ADCY10: variants seen among roughly 807,000 people sequenced by gnomAD.
ADCY10 encodes adenylate cyclase type 10.
In ADCY10, 156 loss-of-function variants were observed where a neutral mutation model predicts 183.3. The ratio of observed to expected loss-of-function variants is 0.85; its 90% CI spans 0.75 to 0.97. The LOEUF is 0.97. ADCY10 is among the 50% of genes least tolerant of loss of function. The pLI is 0.00. For synonymous variants in ADCY10, 645 were observed against 670.0 expected (o/e 0.96, Z 0.58); for missense variants, 1,745 against 1,934.3 (o/e 0.90, Z 1.84).
At chr1:167,883,068 C>T (rs950548781) in intron 9 of ADCY10, among the ~76,000 whole-genome samples, 24 of 152,240 alleles carry the variant, frequency 1.6e-4, no homozygotes, top group Non-Finnish European at 1.5e-5. Context: ...GACGGAGTCT[C>T]ACGCTATAGC....
At chr1:167,860,307 T>G (rs1301981180) in intron 15 of ADCY10, among the ~76,000 whole-genome samples, 1 of 152,152 alleles carries the variant, frequency 6.6e-6, no homozygotes, top group Non-Finnish European at 1.5e-5. Context: ...GCATGCAACC[T>G]AGGTCCCTTG....
chr1:167,833,217 A>C, intron 24 of ADCY10, 55 bp from the exon 25 acceptor site: 1 of 1,504,816 alleles, frequency 6.6e-7, no homozygotes, highest in Non-Finnish European at 9.2e-7. Flanking sequence ...ATTCTAACTT[A>C]ATTAGTAGGT....
At chr1:167,890,153 A>G (rs1195340013) in intron 8 of ADCY10, among the ~76,000 whole-genome samples, 2 of 152,128 alleles carry the variant, frequency 1.3e-5, no homozygotes, top group African/African-American at 2.4e-5. Context: ...AGAGTTAGGT[A>G]TTTATTGTAG....
chr1:167,859,112 T>C (rs1467054725), intron 16 of ADCY10, among the ~76,000 whole-genome samples: 2 of 152,058 alleles, frequency 1.3e-5, no homozygotes, highest in Non-Finnish European at 1.5e-5. Context: ...GGCACTATAG[T>C]AAAAAAATGA....
chr1:167,901,939 T>A (rs1669457255), intron 4 of ADCY10, 77 bp downstream of exon 4: 2 of 1,606,398 alleles, frequency 1.2e-6, no homozygotes, highest in South Asian at 1.1e-5. Context: ...CTAGGATGCC[T>A]CCTTTGTCCC....
intron 9 of ADCY10, among the ~76,000 whole-genome samples, 163 bp downstream of exon 9, chr1:167,883,274 G>A (rs2102270412): frequency 6.6e-6 from 1 of 152,346 alleles, no homozygotes; most frequent in Admixed American, 6.5e-5. Context: ...CTGACCTCAA[G>A]TGATCCGCCC....
At position 167,848,412 on chromosome 1, in the gene ADCY10, G is replaced by A. The variant is rs1665216657; in HGVS notation, c.2386C>T (p.Leu796Phe). 2 of 1,613,920 alleles carry A rather than the reference G, an allele frequency of 1.2e-6. No homozygotes were observed. Among genetic ancestry groups the A allele is most frequent in the African/African-American group, 1.3e-5 (1 of 74,920 alleles). Residue 796 changes from leucine to phenylalanine, a missense_variant, in exon 19 of 33, where the codon CTC becomes TTC. Leu to Phe is a conservative substitution (Grantham distance 22). Transcript: ENST00000367851. The stretch of plus-strand genomic sequence containing the variant: ...TTTTTCAGTCTGACACCACTTGTGA[G>A]GTGACAGACTTCTTCACTTTCCTTA... ...SDKESEEVCH[L>F]TSGVRLKNLS...
At chr1:167,893,603 G>A (rs1315232183) in intron 8 of ADCY10, among the ~76,000 whole-genome samples, 2 of 149,918 alleles carry the variant, frequency 1.3e-5, no homozygotes, top group East Asian at 4.0e-4. Flanking sequence ...GGCTGAGGCA[G>A]GAGAATTGCT....
intron 13 of ADCY10, among the ~76,000 whole-genome samples, chr1:167,871,440 A>G (rs1421505758): frequency 6.6e-6 from 1 of 152,254 alleles, no homozygotes; most frequent in African/African-American, 2.4e-5. Context: ...AAAAATAAAA[A>G]TCACCTTGGG....
rs1245054738 is a variant in ADCY10, at chr1:167,893,924, A to G, written c.757T>C (p.Cys253Arg). Residue 253 changes from cysteine to arginine, a missense_variant, in exon 8 of 33, where the codon TGC becomes CGC. Coordinates refer to ENST00000367851, the MANE Select transcript of ADCY10 (RefSeq NM_018417.6). ...AGTTCAGGATCAGGCTTCAGCGTGC[A>G]TGCAAGCCTCAGGAGGTCTAAGAAG... ...GEHKNLLRLACTLKPDPELEM... is the reference protein window; with the variant it reads ...GEHKNLLRLARTLKPDPELEM... The G allele has an allele frequency of 6.2e-7, 1 of 1,613,406 alleles. No homozygotes were observed. Among genetic ancestry groups the G allele is most frequent in the Non-Finnish European group, 8.5e-7 (1 of 1,179,524 alleles).
chr1:167,907,406 G>A (rs1430413504), intron 1 of ADCY10, among the ~76,000 whole-genome samples: 1 of 152,158 alleles, frequency 6.6e-6, no homozygotes, highest in African/African-American at 2.4e-5. Flanking sequence ...GGTTGTATGG[G>A]GTTCTCCTCT....
chr1:167,871,263 A>C (rs566636565), intron 13 of ADCY10, among the ~76,000 whole-genome samples: 63 of 152,350 alleles, frequency 4.1e-4, no homozygotes, highest in African/African-American at 1.5e-3. Flanking sequence ...TCAGGGCTAC[A>C]AAAAGCATTA....
intron 24 of ADCY10, 95 bp downstream of exon 24, chr1:167,833,875 G>T (rs1663981151): frequency 3.1e-6 from 3 of 965,850 alleles, no homozygotes; most frequent in Non-Finnish European, 4.8e-6. Context: ...GCAAGAGATG[G>T]GAGGAGGGTG....
At chr1:167,890,743 A>T (rs1299664672) in intron 8 of ADCY10, among the ~76,000 whole-genome samples, 1 of 152,170 alleles carries the variant, frequency 6.6e-6, no homozygotes, top group African/African-American at 2.4e-5. Context: ...ATGCTATGTA[A>T]TTCAAACTTC....
In ADCY10 at chr1:167,856,278, T is replaced by C. The variant is rs1348984988; in HGVS notation, c.2058A>G (p.Val686=). ...TGTAGGTGGTGTTCCTGTTCTTTAT[T>C]ACGGCCCTGGCAGCTGCACAGGGAA... ...VNIPCAAARA[V]IKNRNTTYIV... is the part of the protein sequence containing the mutation. The change falls in exon 17 of 33, where the codon GTA becomes GTG. Residue 686 remains valine (V), a synonymous_variant. Coordinates refer to ENST00000367851, the MANE Select transcript of ADCY10 (RefSeq NM_018417.6). 1.2e-6 allele frequency: 2 copies of C among 1,613,836 alleles called. No homozygotes were observed. The highest frequency in any genetic ancestry group is 1.7e-6 in the Non-Finnish European group (2 of 1,179,894).
intron 8 of ADCY10, among the ~76,000 whole-genome samples, chr1:167,891,355 G>A (rs1668574963): frequency 1.3e-5 from 2 of 151,710 alleles, no homozygotes; most frequent in South Asian, 4.2e-4. Flanking sequence ...CAGGCACAGG[G>A]AAAATAAAGG....
At position 167,903,940 on chromosome 1, in the gene ADCY10, C is replaced by T; in HGVS notation, c.200G>A (p.Gly67Glu). Residue 67 changes from glycine to glutamate, a missense_variant, in exon 3 of 33, where the codon GGG (glycine) becomes GAG (glutamate). Gly to Glu is a moderately conservative substitution (Grantham distance 98). Transcript: ENST00000367851. ...GAGGATCTCCACCAACTGCTCAGCC[C>T]CTCTGTCCATGTACATGGCACTGCT... Reference protein sequence around the residue: ...KFSSAMYMDRGAEQLVEILNY... With the variant: ...KFSSAMYMDREAEQLVEILNY... 3.1e-6 allele frequency: 5 copies of T among 1,614,090 alleles called. No individual in the cohort carries two copies. The highest frequency in any genetic ancestry group is 4.2e-6 in the Non-Finnish European group (5 of 1,179,962).
At chr1:167,913,345 C>T in intron 1 of ADCY10, among the ~76,000 whole-genome samples, 1 of 152,180 alleles carries the variant, frequency 6.6e-6, no homozygotes, top group South Asian at 2.1e-4. Context: ...TCTAGAATTT[C>T]CTAATAGATT....
At chr1:167,822,472 G>A (rs1333752419) in intron 29 of ADCY10, among the ~76,000 whole-genome samples, 1 of 152,160 alleles carries the variant, frequency 6.6e-6, no homozygotes, top group Non-Finnish European at 1.5e-5. Flanking sequence ...GGCAATGTCT[G>A]CATCCCCTTT....
Sources: gnomAD v4.1 joint callset for allele counts (sites outside exome capture counted in the v4.1 genomes callset) on GRCh38, gnomAD v4.1.1 for gene constraint, MANE v1.5 for transcripts, NCBI Gene and HGNC (gene_info 2026-07-23, HGNC 2026-07-21) for gene names.